The following PLCB4 variants were observed in gnomAD, a reference collection of about 807,000 sequenced individuals.
The protein encoded by PLCB4 is 1-phosphatidylinositol 4,5-bisphosphate phosphodiesterase beta-4.
PLCB4 carries 77 observed loss-of-function variants against 178.8 expected under a neutral mutation model. The observed-to-expected ratio is 0.43, with a 90% confidence interval of 0.36 to 0.52. The LOEUF (loss-of-function observed/expected upper bound fraction) is 0.52. Among genes scored for constraint, PLCB4 ranks in the 20% least tolerant of loss-of-function variants. The probability of loss-of-function intolerance (pLI) is 0.00; values close to 1 mark genes in which losing one functional copy is unlikely to be tolerated. For synonymous variants in PLCB4, 496 were observed against 490.8 expected, an observed-to-expected ratio of 1.01 and a Z score of -0.14; for missense variants, 1,024 against 1,453.4, an observed-to-expected ratio of 0.70 and a Z score of 4.80.
chr20:9,084,929 T>C (rs4816118), intron 1 of PLCB4, among the ~76,000 whole-genome samples: 73,756 of 151,446 alleles, frequency 0.49, 18,460 homozygotes, highest in Middle Eastern at 0.57. Flanking sequence ...GGCGTGCGCC[T>C]GTTGTCCCAG....
At chr20:9,139,745 C>T (rs1221534745) in intron 2 of PLCB4, among the ~76,000 whole-genome samples, 4 of 151,928 alleles carry the variant, frequency 2.6e-5, no homozygotes, top group Admixed American at 6.6e-5. Flanking sequence ...ACATGTTCCA[C>T]GTGTCACCAG....
intron 17 of PLCB4, among the ~76,000 whole-genome samples, chr20:9,391,658 T>G (rs1266663861): frequency 1.3e-5 from 2 of 152,204 alleles, no homozygotes; most frequent in Admixed American, 1.3e-4. Flanking sequence ...CCCATATCCT[T>G]GCAGTGCCTC....
chr20:9,339,284 A>C (rs999616519), intron 7 of PLCB4, among the ~76,000 whole-genome samples: 1 of 152,124 alleles, frequency 6.6e-6, no homozygotes, highest in South Asian at 2.1e-4. Context: ...CACTTCTCCA[A>C]CTTGAGTGTA....
chr20:9,385,398 C>A (rs2037506326), intron 14 of PLCB4, among the ~76,000 whole-genome samples: 1 of 149,522 alleles, frequency 6.7e-6, no homozygotes, highest in East Asian at 2.0e-4. Context: ...TGATGGGCGG[C>A]CAGGCAGAGG....
In PLCB4 at chr20:9,085,180, T is replaced by C. The variant is rs2090350250; in HGVS notation, c.-134-11107T>C. Among the ~76,000 whole-genome samples, 2 of 152,220 alleles carry C rather than the reference T, an allele frequency of 1.3e-5. 1 individual carries two copies. Among genetic ancestry groups the C allele is most frequent in the South Asian group, 4.1e-4 (2 of 4,832 alleles). On this transcript the variant is annotated intron_variant, in intron 1 of 39. Coordinates refer to ENST00000378473, the MANE Select transcript of PLCB4 (RefSeq NM_001377142.1). ...ATACATTTGATTAAGTGTGATATAT[T>C]TTGTTTAAAATACTATTCAGAACCT...
At chr20:9,227,358 T>C (rs2093879788) in intron 3 of PLCB4, among the ~76,000 whole-genome samples, 1 of 152,176 alleles carries the variant, frequency 6.6e-6, no homozygotes, top group Non-Finnish European at 1.5e-5. Context: ...TCTTGTCATA[T>C]GTTAGATCCC....
chr20:9,407,133 G>A (rs2039500022), intron 21 of PLCB4, among the ~76,000 whole-genome samples: 1 of 152,052 alleles, frequency 6.6e-6, no homozygotes, highest in Admixed American at 6.6e-5. Context: ...CCCCAAAGAG[G>A]CAGCATCATT....
intron 35 of PLCB4, among the ~76,000 whole-genome samples, chr20:9,466,374 G>A (rs1293786555): frequency 6.6e-6 from 1 of 152,124 alleles, no homozygotes; most frequent in East Asian, 1.9e-4. Context: ...CATAGGCATG[G>A]GCAAGGACTT....
At chr20:9,368,127 A>G (rs1370396531) in intron 9 of PLCB4, among the ~76,000 whole-genome samples, 1 of 152,234 alleles carries the variant, frequency 6.6e-6, no homozygotes, top group Admixed American at 6.5e-5. Flanking sequence ...AATGGAAACT[A>G]TTAGTGTACT....
At chr20:9,204,446 G>T (rs1392562693) in intron 2 of PLCB4, among the ~76,000 whole-genome samples, 4 of 151,816 alleles carry the variant, frequency 2.6e-5, no homozygotes, top group Admixed American at 2.6e-4. Flanking sequence ...GCAAACCTCT[G>T]CCTCCTGGGT....
chr20:9,443,442 T>C (rs944644969), intron 30 of PLCB4, among the ~76,000 whole-genome samples: 1 of 152,236 alleles, frequency 6.6e-6, no homozygotes, highest in African/African-American at 2.4e-5. Context: ...TTTTGGCTGA[T>C]TGGGCATTTC....
intron 17 of PLCB4, among the ~76,000 whole-genome samples, chr20:9,392,226 C>T (rs1274351899): frequency 1.3e-5 from 2 of 152,106 alleles, no homozygotes; most frequent in Non-Finnish European, 2.9e-5. Context: ...AATGCACAAA[C>T]AAAGCAAGGG....
At chr20:9,409,761 C>CT (rs139074612) in intron 24 of PLCB4, among the ~76,000 whole-genome samples, 10 of 151,516 alleles carry the variant, frequency 6.6e-5, no homozygotes, top group South Asian at 2.1e-4. Context: ...TATATAATGA[C>CT]TTTTTTTTTC....
chr20:9,176,253 G>A (rs867356099), intron 2 of PLCB4, among the ~76,000 whole-genome samples: 6 of 152,198 alleles, frequency 3.9e-5, no homozygotes, highest in Middle Eastern at 3.4e-3. Flanking sequence ...ACCTGTTGAT[G>A]GGCATGTGTA....
At chr20:9,287,217 T>A (rs1361467807) in intron 3 of PLCB4, among the ~76,000 whole-genome samples, 2 of 152,078 alleles carry the variant, frequency 1.3e-5, no homozygotes, top group East Asian at 3.9e-4. Flanking sequence ...ACTTCAGGTA[T>A]CAGACTCAGC....
In PLCB4 at chr20:9,421,419, A is replaced by G; in HGVS notation, c.2277A>G (p.Gly759=). 2 of 1,613,912 alleles carry G rather than the reference A, an allele frequency of 1.2e-6. No homozygotes were observed. Among genetic ancestry groups the G allele is most frequent in the Non-Finnish European group, 1.7e-6 (2 of 1,179,906 alleles). Residue 759 remains glycine, a synonymous_variant, in exon 27 of 40, where the codon GGA becomes GGG. Transcript: ENST00000378473. ...GAACTCGCATGGTTATGAATAATGG[A>G]CTCAATCCAGTTTACAATGAAGAGT... The part of the protein sequence containing the change: ...EFRTRMVMNN[G]LNPVYNEESF...
chr20:9,077,281 G>A (rs6118471), intron 1 of PLCB4, among the ~76,000 whole-genome samples: 94,885 of 152,086 alleles, frequency 0.62, 29,726 homozygotes, highest in South Asian at 0.72. Flanking sequence ...GTGCACATGT[G>A]TGAGAATTTT....
At chr20:9,331,204 T>C (rs530827535) in intron 4 of PLCB4, among the ~76,000 whole-genome samples, 55 of 152,274 alleles carry the variant, frequency 3.6e-4, no homozygotes, top group Non-Finnish European at 6.9e-4. Context: ...GAAAACGCAG[T>C]TTTGTGATGG....
At chr20:9,190,864 G>C (rs962283650) in intron 2 of PLCB4, among the ~76,000 whole-genome samples, 5 of 152,130 alleles carry the variant, frequency 3.3e-5, no homozygotes, top group African/African-American at 1.2e-4. Flanking sequence ...CATGGAGCTT[G>C]GTTAATTGCC....
Sources: allele counts gnomAD v4.1 joint callset (sites outside exome capture counted in the v4.1 genomes callset), GRCh38; gene constraint gnomAD v4.1.1; transcripts MANE v1.5; gene names NCBI Gene and HGNC (gene_info 2026-07-23, HGNC 2026-07-21).